NAV1: variants seen among roughly 807,000 people sequenced by gnomAD.
NAV1 encodes the protein pore membrane and/or filament interacting like protein 3.
In NAV1, 18 loss-of-function variants were observed where a neutral mutation model predicts 175.2. That is an observed-to-expected ratio of 0.10 (90% CI 0.07 to 0.15). The LOEUF (loss-of-function observed/expected upper bound fraction) is 0.15, where lower values mean the gene tolerates loss of function less well. NAV1 is among the 10% of genes least tolerant of loss of function. NAV1 has a pLI of 1.00. For synonymous variants in NAV1, 897 were observed against 978.7 expected (o/e 0.92, Z 1.56); for missense variants, 1,731 against 2,436.6 (o/e 0.71, Z 6.10).
chr1:201,593,512 G>C (rs1667265593), intron 2 of NAV1, among the ~76,000 whole-genome samples: 1 of 152,214 alleles, frequency 6.6e-6, no homozygotes. Flanking sequence ...AGATGAGTCA[G>C]AGGATTGCAG....
intron 1 of NAV1, among the ~76,000 whole-genome samples, chr1:201,579,405 G>T (rs1226642383): frequency 6.6e-6 from 1 of 152,028 alleles, no homozygotes; most frequent in Non-Finnish European, 1.5e-5. Context: ...ACCCAAGCTG[G>T]AGTGCAGTGG....
In NAV1 at chr1:201,694,028, G is replaced by A. The variant is rs1671077570; in HGVS notation, c.758-18789G>A. On this transcript the variant is annotated intron_variant, in intron 1 of 29. Coordinates refer to ENST00000367296, the Ensembl canonical transcript of NAV1. This position sits in a 1 kb window ranked among gnomAD's most constrained non-coding sequence, Gnocchi z 4.2. Reference sequence around the variant, plus strand: ...GTACAAAATTCTGTCTCCACAGTGTGTCCCCCAGTTTGGCTTCCTGGTGGG... The same window carrying A: ...GTACAAAATTCTGTCTCCACAGTGTATCCCCCAGTTTGGCTTCCTGGTGGG... Among the ~76,000 whole-genome samples the A allele has an allele frequency of 6.6e-6, 1 of 152,208 alleles. No homozygotes were observed. Among genetic ancestry groups the A allele is most frequent in the Admixed American group, 6.5e-5 (1 of 15,290 alleles).
At chr1:201,707,597 C>A (rs939683345) in intron 1 of NAV1, among the ~76,000 whole-genome samples, 4 of 152,214 alleles carry the variant, frequency 2.6e-5, no homozygotes, top group Non-Finnish European at 2.9e-5. Context: ...GGGTCCCAAT[C>A]TCTTGATGAG....
At chr1:201,607,415 A>G (rs946496544) in intron 2 of NAV1, among the ~76,000 whole-genome samples, 1 of 150,062 alleles carries the variant, frequency 6.7e-6, no homozygotes, top group African/African-American at 2.5e-5. Context: ...ATGCCAGGCC[A>G]AATAATTTTT....
At chr1:201,682,250 C>A (rs1217469288) in intron 1 of NAV1, among the ~76,000 whole-genome samples, 2 of 151,872 alleles carry the variant, frequency 1.3e-5, no homozygotes, top group South Asian at 2.1e-4. Context: ...GGTGCCATTG[C>A]ACTCCAGCCT....
intron 1 of NAV1, among the ~76,000 whole-genome samples, chr1:201,666,406 A>G (rs952657977): frequency 2.6e-5 from 4 of 152,194 alleles, no homozygotes; most frequent in African/African-American, 9.6e-5. Context: ...TGTAGGAAAC[A>G]TAAGTCTGGA....
At chr1:201,599,826 A>G (rs114645300) in intron 2 of NAV1, among the ~76,000 whole-genome samples, 1 of 152,210 alleles carries the variant, frequency 6.6e-6, no homozygotes, top group African/African-American at 2.4e-5. Context: ...TTTAAGCACC[A>G]TAGGCATCTC....
At chr1:201,610,896 T>C (rs78301611) in intron 2 of NAV1, among the ~76,000 whole-genome samples, 2,126 of 152,292 alleles carry the variant, frequency 0.014, 110 homozygotes, top group South Asian at 0.1. Context: ...AAGGAGGCCA[T>C]GCCACAGTCT....
intron 1 of NAV1, among the ~76,000 whole-genome samples, chr1:201,624,317 A>G (rs1386146021): frequency 6.6e-6 from 1 of 151,502 alleles, no homozygotes; most frequent in East Asian, 1.9e-4. Context: ...ATAGAAAAAC[A>G]AACGCTTAGT....
intron 1 of NAV1, among the ~76,000 whole-genome samples, chr1:201,695,317 T>G (rs1671145018): frequency 6.6e-6 from 1 of 152,174 alleles, no homozygotes; most frequent in Non-Finnish European, 1.5e-5. Flanking sequence ...TCACTTCACC[T>G]TTGCCCTGTG....
rs530980172 is a variant in NAV1 at position 201,723,819 on chromosome 1, G to A, written c.1226+5064G>A. 8 of 152,298 alleles carry A rather than the reference G, an allele frequency of 5.3e-5. No individual in the cohort carries two copies. In the East Asian group the frequency reaches 1.5e-3, roughly 29 times the overall value. 9.4% of individuals were successfully genotyped at this position (152,298 alleles called of 1,614,324 possible). A position where few individuals can be genotyped will look rare whatever the true frequency, so the allele number is the denominator to read the frequency against. ...TAAGAAAGTTTCTAAATATTCAACTGAAATCTGTTTCGCTGTAACTTCTAC... is the reference window on the plus strand; with the variant it reads ...TAAGAAAGTTTCTAAATATTCAACTAAAATCTGTTTCGCTGTAACTTCTAC... On this transcript the variant is annotated intron_variant, in intron 3 of 29. Coordinates refer to ENST00000367296, the Ensembl canonical transcript of NAV1.
chr1:201,565,074 C>T (rs1269448787), intron 1 of NAV1, among the ~76,000 whole-genome samples: 1 of 152,210 alleles, frequency 6.6e-6, no homozygotes, highest in African/African-American at 2.4e-5. Context: ...ACGGTAACAA[C>T]TGCAACTTCT....
exon 30 of NAV1, chr1:201,820,167 G>C: frequency 2.1e-6 from 1 of 468,192 alleles, no homozygotes; most frequent in Non-Finnish European, 3.8e-6. Flanking sequence ...CACATTTACT[G>C]GCCTCCTCTA....
At chr1:201,673,798 T>C (rs780521274) in intron 1 of NAV1, 1 of 151,944 alleles carries the variant, frequency 6.6e-6, no homozygotes, top group Admixed American at 6.6e-5. Context: ...TGCCCAAGAG[T>C]TGCACTTTGT....
chr1:201,776,535 G>C (rs535205012), intron 3 of NAV1, among the ~76,000 whole-genome samples: 2 of 151,738 alleles, frequency 1.3e-5, no homozygotes, highest in African/African-American at 4.8e-5. Context: ...CAGCTACTCA[G>C]GAGGTTGAGG....
chr1:201,734,910 T>C (rs1232250523), intron 3 of NAV1, among the ~76,000 whole-genome samples: 2 of 152,346 alleles, frequency 1.3e-5, no homozygotes, highest in African/African-American at 4.8e-5. Context: ...TAGCTCACTA[T>C]ACAAGATCTG....
At chr1:201,794,409 G>A in intron 14 of NAV1, 57 bp from the exon 19 acceptor site, 1 of 1,518,210 alleles carries the variant, frequency 6.6e-7, no homozygotes. Flanking sequence ...CCAAAGTGCT[G>A]GGATTATAGG....
chr1:201,707,335 G>A (rs1671712788), intron 1 of NAV1, among the ~76,000 whole-genome samples: 1 of 152,192 alleles, frequency 6.6e-6, no homozygotes, highest in Non-Finnish European at 1.5e-5. Context: ...ACAGATAAGA[G>A]CCACCATTTA....
chr1:201,749,575 TC>T (rs1673977242), intron 3 of NAV1, among the ~76,000 whole-genome samples: 1 of 152,204 alleles, frequency 6.6e-6, no homozygotes, highest in Admixed American at 6.5e-5. Flanking sequence ...TTGCATTTGC[TC>T]CCAAACCTGT....
Sources: allele counts gnomAD v4.1 joint callset (sites outside exome capture counted in the v4.1 genomes callset), GRCh38; gene constraint gnomAD v4.1.1; non-coding constraint Gnocchi (gnomAD v3.1); transcripts MANE v1.5; gene names NCBI Gene and HGNC (gene_info 2026-07-23, HGNC 2026-07-21).